The following EPO variants were observed in gnomAD, a reference collection of about 807,000 sequenced individuals.
EPO encodes the protein erythropoietin.
EPO carries 12 observed loss-of-function variants against 24.4 expected under a neutral mutation model. The ratio of observed to expected loss-of-function variants is 0.49; its 90% CI spans 0.32 to 0.80. EPO has a LOEUF of 0.80. EPO is among the 30% of genes least tolerant of loss of function. The pLI is 0.04. For missense variants in EPO, 210 were observed against 238.0 expected, an observed-to-expected ratio of 0.88 and a Z score of 0.77; for synonymous variants, 107 against 104.0, an observed-to-expected ratio of 1.03 and a Z score of -0.18.
rs772349829 is a variant in EPO, at chr7:100,721,814, A to T, written c.159+111A>T. The T allele has an allele frequency of 3.0e-5, 45 of 1,506,746 alleles. No homozygotes were observed. The highest frequency in any genetic ancestry group is 4.0e-5 in the Non-Finnish European group (45 of 1,123,824). 93.3% of individuals were successfully genotyped at this position (1,506,746 alleles called of 1,614,324 possible). The stretch of plus-strand genomic sequence containing the variant: ...GTTTGGGGTGGAGTTGGGAAGCTAG[A>T]CACTGCCCCCCTACATAAGAATAAG... On this transcript the variant is annotated intron_variant, in intron 2 of 4. Coordinates refer to ENST00000252723, the MANE Select transcript of EPO (RefSeq NM_000799.4). This position sits in a 1 kb window ranked among gnomAD's most constrained non-coding sequence, Gnocchi z 4.0.
chr7:100,722,860 A>G lies in EPO; in HGVS notation c.426+17A>G, dbSNP rs747829175. 1 of 1,611,044 alleles carries G rather than the reference A, an allele frequency of 6.2e-7. No individual in the cohort carries two copies. Among genetic ancestry groups the G allele is most frequent in the African/African-American group, 1.3e-5 (1 of 74,768 alleles). ...GGAGCCCAGGTGAGTAGGAGCGGAC[A>G]CTTCTGCTTGCCCTTTCTGTAAGAA... On this transcript the variant is annotated intron_variant, in intron 4 of 4. Transcript: ENST00000252723.
At position 100,723,229 on chromosome 7, in the gene EPO, C is replaced by G; in HGVS notation, c.*96C>G. Reference sequence around the variant, plus strand: ...CACTCCTGAACCCCGTCGAGGGGCTCTCAGCTCAGCGCCAGCCTGTCCCAT... The same window carrying G: ...CACTCCTGAACCCCGTCGAGGGGCTGTCAGCTCAGCGCCAGCCTGTCCCAT... On this transcript the variant is annotated 3_prime_UTR_variant, in exon 5 of 5. Transcript: ENST00000252723. 6.9e-7 allele frequency: 1 copy of G among 1,440,212 alleles called. No individual in the cohort carries two copies. Among genetic ancestry groups the G allele is most frequent in the Non-Finnish European group, 9.5e-7 (1 of 1,051,404 alleles). The allele number at this position is 1,440,212 out of a possible 1,614,324, so 89.2% of individuals were successfully genotyped here.
At position 100,721,762 on chromosome 7, in the gene EPO, C is replaced by T; in HGVS notation, c.159+59C>T. On this transcript the variant is annotated intron_variant, in intron 2 of 4. Coordinates refer to ENST00000252723, the MANE Select transcript of EPO (RefSeq NM_000799.4). The surrounding 1 kb of genome is among the most constrained non-coding windows in gnomAD (Gnocchi z 4.0). The stretch of plus-strand genomic sequence containing the variant: ...TCACGCTCAGGGCTTCAGGGAACTC[C>T]TCCCAGATCCAGGAACCTGGCACTT... The T allele has an allele frequency of 1.9e-6, 3 of 1,563,000 alleles. No individual in the cohort carries two copies. The South Asian group carries it at 3.5e-5, about 18-fold the overall frequency.
At position 100,721,896 on chromosome 7, in the gene EPO, TACG is replaced by T; in HGVS notation, c.160-65_160-63del. Reference sequence around the variant, plus strand: ...GGCAAGGAGCAAAGCCAGCAGATCCTACGGCCTGTGGGCCAGGGCCAGAGCCTT... The same window carrying T: ...GGCAAGGAGCAAAGCCAGCAGATCCTGCCTGTGGGCCAGGGCCAGAGCCTT... On this transcript the variant is annotated intron_variant, in intron 2 of 4. Coordinates refer to ENST00000252723, the MANE Select transcript of EPO (RefSeq NM_000799.4). This position sits in a 1 kb window ranked among gnomAD's most constrained non-coding sequence, Gnocchi z 4.0. 6.4e-7 allele frequency: 1 copy of T among 1,561,566 alleles called. No homozygotes were observed.
rs191419026 is a variant in EPO, at chr7:100,720,668, C to G, written c.-313C>G. 1,068 of 324,100 alleles carry G rather than the reference C, an allele frequency of 3.3e-3. 14 individuals carry two copies. Among genetic ancestry groups the G allele is most frequent in the African/African-American group, 0.022 (1,001 of 46,280 alleles). The allele number at this position is 324,100 out of a possible 1,614,324, so 20.1% of individuals were successfully genotyped here. ...GGCCCCTACCCCTGGCGACCCCTCA[C>G]GCACACAGCCTCTCCCCCACCCCCA... is the stretch of plus-strand genomic sequence containing the variant. On this transcript the variant is annotated 5_prime_UTR_variant, in exon 1 of 5. Transcript: ENST00000252723.
In EPO at chr7:100,722,828, G is replaced by A. The variant is rs746367858; in HGVS notation, c.411G>A (p.Arg137=). ...SGLRSLTTLL[R]ALGAQKEAIS... ...TTCGCAGCCTCACCACTCTGCTTCG[G>A]GCTCTGGGAGCCCAGGTGAGTAGGA... The change falls in exon 4 of 5, where the codon CGG becomes CGA. Residue 137 remains arginine, a synonymous_variant. Coordinates refer to ENST00000252723, the MANE Select transcript of EPO (RefSeq NM_000799.4). 1 of 1,613,188 alleles carries A rather than the reference G, an allele frequency of 6.2e-7. No individual in the cohort carries two copies. The highest frequency in any genetic ancestry group is 8.5e-7 in the Non-Finnish European group (1 of 1,179,774).
In EPO at chr7:100,720,641, G is replaced by A. The variant is rs1386927434; in HGVS notation, c.-340G>A. Among the ~76,000 whole-genome samples, 1 of 152,032 alleles carries A rather than the reference G, an allele frequency of 6.6e-6. No homozygotes were observed. Among genetic ancestry groups the A allele is most frequent in the African/African-American group, 2.4e-5 (1 of 41,398 alleles). On this transcript the variant is annotated 5_prime_UTR_variant, in exon 1 of 5. It adds an upstream start codon to the 5' untranslated region. Coordinates refer to ENST00000252723, the MANE Select transcript of EPO (RefSeq NM_000799.4). Reference sequence around the variant, plus strand: ...CGTCCTGCCCCTGCTCTGACCCCGGGTGGCCCCTACCCCTGGCGACCCCTC... The same window carrying A: ...CGTCCTGCCCCTGCTCTGACCCCGGATGGCCCCTACCCCTGGCGACCCCTC...
chr7:100,721,848 C>T lies in EPO; in HGVS notation c.160-114C>T, dbSNP rs1026879155. 6.6e-7 allele frequency: 1 copy of T among 1,507,350 alleles called. No homozygotes were observed. The highest frequency in any genetic ancestry group is 2.1e-5 in the Admixed American group (1 of 47,086). The allele number at this position is 1,507,350 out of a possible 1,614,324, so 93.4% of individuals were successfully genotyped here. On this transcript the variant is annotated intron_variant, in intron 2 of 4. Transcript: ENST00000252723. The surrounding 1 kb of genome is among the most constrained non-coding windows in gnomAD (Gnocchi z 4.0). ...CCCTACATAAGAATAAGTCTGGTGG[C>T]CCCAAACCATACCTGGAAACTAGGC...
Position 100,723,175 on chromosome 7 carries a change from A to G in EPO, c.*42A>G. 1 of 1,585,316 alleles carries G rather than the reference A, an allele frequency of 6.3e-7. No homozygotes were observed. The highest frequency in any genetic ancestry group is 8.6e-7 in the Non-Finnish European group (1 of 1,165,058). On this transcript the variant is annotated 3_prime_UTR_variant, in exon 5 of 5. Transcript: ENST00000252723. ...GGGCATATCCACCACCTCCCTCACCAACATTGCTTGTGCCACACCCTCCCC... is the reference window on the plus strand; with the variant it reads ...GGGCATATCCACCACCTCCCTCACCGACATTGCTTGTGCCACACCCTCCCC...
In EPO at chr7:100,723,164, C is replaced by T. The variant is rs563121954; in HGVS notation, c.*31C>T. On this transcript the variant is annotated 3_prime_UTR_variant, in exon 5 of 5. Transcript: ENST00000252723. ...TGTGTCCACCTGGGCATATCCACCA[C>T]CTCCCTCACCAACATTGCTTGTGCC... The T allele has an allele frequency of 1.3e-5, 21 of 1,597,390 alleles. No homozygotes were observed. In the African/African-American group the frequency reaches 1.7e-4, roughly 13 times the overall value.
In EPO at chr7:100,723,688, C is replaced by G. The variant is rs578191720; in HGVS notation, c.*555C>G. ...TATTCTTCAACCTCATTGACAAGAA[C>G]TGAAACCACCAATATGACTCTTGGC... On this transcript the variant is annotated 3_prime_UTR_variant, in exon 5 of 5. Coordinates refer to ENST00000252723, the MANE Select transcript of EPO (RefSeq NM_000799.4). 2 of 152,650 alleles carry G rather than the reference C, an allele frequency of 1.3e-5. No individual in the cohort carries two copies. The highest frequency in any genetic ancestry group is 4.1e-4 in the South Asian group (2 of 4,834). 9.5% of individuals were successfully genotyped at this position (152,650 alleles called of 1,614,324 possible).
rs975569578 is a variant in EPO at position 100,721,771 on chromosome 7, C to T, written c.159+68C>T. On this transcript the variant is annotated intron_variant, in intron 2 of 4. Coordinates refer to ENST00000252723, the MANE Select transcript of EPO (RefSeq NM_000799.4). This position sits in a 1 kb window ranked among gnomAD's most constrained non-coding sequence, Gnocchi z 4.0. ...GGGCTTCAGGGAACTCCTCCCAGAT[C>T]CAGGAACCTGGCACTTGGTTTGGGG... The T allele has an allele frequency of 6.4e-7, 1 of 1,554,704 alleles. No homozygotes were observed. The highest frequency in any genetic ancestry group is 8.7e-7 in the Non-Finnish European group (1 of 1,155,420).
intron 3 of EPO, 139 bp downstream of exon 3, chr7:100,722,187 G>A (rs995290750): frequency 9.9e-5 from 78 of 784,134 alleles, no homozygotes; most frequent in South Asian, 7.5e-5. Flanking sequence ...AGAGGCTCAC[G>A]TCTATAATCC....
In EPO at chr7:100,721,131, G is replaced by T. The variant is rs1331606076; in HGVS notation, c.13+138G>T. On this transcript the variant is annotated intron_variant, in intron 1 of 4. Transcript: ENST00000252723. The surrounding 1 kb of genome is among the most constrained non-coding windows in gnomAD (Gnocchi z 4.0). The stretch of plus-strand genomic sequence containing the variant: ...CAAGGACCCCGGAAGGGGGAGGGGG[G>T]TGGGGCAGCCTCCACGTGCCAGCGG... The T allele has an allele frequency of 1.6e-5, 6 of 377,190 alleles. No individual in the cohort carries two copies. Among genetic ancestry groups the T allele is most frequent in the African/African-American group, 1.1e-4 (5 of 45,600 alleles). 23.4% of individuals were successfully genotyped at this position (377,190 alleles called of 1,614,324 possible). A position where few individuals can be genotyped will look rare whatever the true frequency, so the allele number is the denominator to read the frequency against.
Position 100,722,648 on chromosome 7 carries a change from A to C in EPO, c.247-16A>C. ...GTGACATGGGTCAGCTGACTCCCAGAGTCCACTCCCTGTAGGTCGGGCAGC... is the reference window on the plus strand; with the variant it reads ...GTGACATGGGTCAGCTGACTCCCAGCGTCCACTCCCTGTAGGTCGGGCAGC... On this transcript the variant is annotated splice_polypyrimidine_tract_variant and intron_variant, in intron 3 of 4. Coordinates refer to ENST00000252723, the MANE Select transcript of EPO (RefSeq NM_000799.4). 6.4e-7 allele frequency: 1 copy of C among 1,569,328 alleles called. No homozygotes were observed. The highest frequency in any genetic ancestry group is 8.6e-7 in the Non-Finnish European group (1 of 1,163,208).
In EPO at chr7:100,722,759, G is replaced by A. The variant is rs768971818; in HGVS notation, c.342G>A (p.Pro114=). 15 of 1,613,912 alleles carry A rather than the reference G, an allele frequency of 9.3e-6. No homozygotes were observed. The African/African-American group carries it at 1.2e-4, about 13-fold the overall frequency. The stretch of plus-strand genomic sequence containing the variant: ...CCCTGTTGGTCAACTCTTCCCAGCC[G>A]TGGGAGCCCCTGCAGCTGCATGTGG... ...GQALLVNSSQ[P]WEPLQLHVDK... Residue 114 remains proline, a synonymous_variant, in exon 4 of 5, where the codon CCG becomes CCA. Coordinates refer to ENST00000252723, the MANE Select transcript of EPO (RefSeq NM_000799.4).
Position 100,721,824 on chromosome 7 carries a change from C to T in EPO, c.159+121C>T. ...GAGTTGGGAAGCTAGACACTGCCCC[C>T]CTACATAAGAATAAGTCTGGTGGCC... is the stretch of plus-strand genomic sequence containing the variant. On this transcript the variant is annotated intron_variant, in intron 2 of 4. Transcript: ENST00000252723. This position sits in a 1 kb window ranked among gnomAD's most constrained non-coding sequence, Gnocchi z 4.0. The T allele has an allele frequency of 1.3e-6, 2 of 1,497,588 alleles. No individual in the cohort carries two copies. Among genetic ancestry groups the T allele is most frequent in the South Asian group, 1.3e-5 (1 of 76,842 alleles). The allele number at this position is 1,497,588 out of a possible 1,614,324, so 92.8% of individuals were successfully genotyped here. A position where few individuals can be genotyped will look rare whatever the true frequency, so the allele number is the denominator to read the frequency against.
rs1806746045 is a variant in EPO, at chr7:100,721,891, G to T, written c.160-71G>T. The T allele has an allele frequency of 2.6e-6, 4 of 1,555,410 alleles. No homozygotes were observed. Among genetic ancestry groups the T allele is most frequent in the Non-Finnish European group, 2.6e-6 (3 of 1,150,376 alleles). ...AACTAGGCAAGGAGCAAAGCCAGCA[G>T]ATCCTACGGCCTGTGGGCCAGGGCC... On this transcript the variant is annotated intron_variant, in intron 2 of 4. Coordinates refer to ENST00000252723, the MANE Select transcript of EPO (RefSeq NM_000799.4). The surrounding 1 kb of genome is among the most constrained non-coding windows in gnomAD (Gnocchi z 4.0).
At chr7:100,722,920 G>T in intron 4 of EPO, 58 bp from the exon 5 acceptor site, 1 of 1,609,470 alleles carries the variant, frequency 6.2e-7, no homozygotes. Flanking sequence ...TACAGGAACT[G>T]TCCGTATTCC....
Sources: gnomAD v4.1 joint callset for allele counts (sites outside exome capture counted in the v4.1 genomes callset) on GRCh38, gnomAD v4.1.1 for gene constraint, Gnocchi (gnomAD v3.1) non-coding constraint, MANE v1.5 for transcripts, NCBI Gene and HGNC (gene_info 2026-07-23, HGNC 2026-07-21) for gene names.